The following MYO5B variants were observed in gnomAD, a reference collection of about 807,000 sequenced individuals.
The protein encoded by MYO5B is myosin VB.
A neutral mutation model predicts 229.3 loss-of-function variants in MYO5B; 143 were observed. The observed-to-expected ratio is 0.62, with a 90% CI of 0.54 to 0.72. The LOEUF is 0.72. Ranked by LOEUF, MYO5B falls within the 30% of genes least tolerant of loss-of-function variation. The pLI is 0.00. For synonymous variants in MYO5B, 918 were observed against 885.2 expected, an observed-to-expected ratio of 1.04 and a Z score of -0.66; for missense variants, 2,321 against 2,331.0, an observed-to-expected ratio of 1.00 and a Z score of 0.09.
chr18:49,907,470 G>T (rs1409540075), intron 18 of MYO5B, among the ~76,000 whole-genome samples: 1 of 152,168 alleles, frequency 6.6e-6, no homozygotes, highest in East Asian at 1.9e-4. Flanking sequence ...AACCCAGCAG[G>T]GTTCCTGTGG....
At position 49,826,108 on chromosome 18, in the gene MYO5B, T is replaced by A; in HGVS notation, c.*363A>T. 3.5e-6 allele frequency: 1 copy of A among 283,702 alleles called. No homozygotes were observed. Among genetic ancestry groups the A allele is most frequent in the Non-Finnish European group, 6.8e-6 (1 of 147,390 alleles). 17.6% of individuals were successfully genotyped at this position (283,702 alleles called of 1,614,324 possible). A position where few individuals can be genotyped will look rare whatever the true frequency, so the allele number is the denominator to read the frequency against. ...ATTTATGTGACTTATATATATTTGG[T>A]ATTTTAATTTGGACATTCTCTAGTT... is the stretch of plus-strand genomic sequence containing the variant. On this transcript the variant is annotated 3_prime_UTR_variant, in exon 40 of 40. Transcript: ENST00000285039.
chr18:50,169,704 T>A (rs1185485964), intron 1 of MYO5B, among the ~76,000 whole-genome samples: 1 of 128,072 alleles, frequency 7.8e-6, no homozygotes, highest in Non-Finnish European at 1.7e-5. Context: ...ACTGAGTCAA[T>A]GGACAAAACT....
chr18:50,053,473 T>A (rs1362521204), intron 2 of MYO5B, among the ~76,000 whole-genome samples: 1 of 152,218 alleles, frequency 6.6e-6, no homozygotes, highest in African/African-American at 2.4e-5. Flanking sequence ...TGAAACGAAA[T>A]CTGCTGGAGT....
intron 1 of MYO5B, among the ~76,000 whole-genome samples, chr18:50,073,311 A>G (rs2144452690): frequency 6.6e-6 from 1 of 152,328 alleles, no homozygotes; most frequent in East Asian, 1.9e-4. Context: ...CTGCACCCAG[A>G]TGGAACTGGC....
intron 1 of MYO5B, among the ~76,000 whole-genome samples, chr18:50,080,387 A>T (rs1568098744): frequency 6.6e-6 from 1 of 152,148 alleles, no homozygotes; most frequent in African/African-American, 2.4e-5. Flanking sequence ...CCTGAAAGCA[A>T]ATCTACAGGC....
chr18:50,019,024 A>T (rs2026246306), intron 4 of MYO5B, among the ~76,000 whole-genome samples: 1 of 152,240 alleles, frequency 6.6e-6, no homozygotes, highest in Admixed American at 6.5e-5. Flanking sequence ...TTGAAGGAAG[A>T]ATAATGTGAA....
chr18:49,826,829 A>G (rs1015932633), intron 39 of MYO5B, among the ~76,000 whole-genome samples: 3 of 152,220 alleles, frequency 2.0e-5, no homozygotes, highest in African/African-American at 7.2e-5. Context: ...TGGAGATCAG[A>G]GGGCTGTAAG....
Position 49,953,217 on chromosome 18 carries a change from C to T in MYO5B, c.1752+43G>A, listed in dbSNP as rs761265667. 2.6e-5 allele frequency: 40 copies of T among 1,560,258 alleles called. No individual in the cohort carries two copies. The East Asian group carries it at 6.3e-4, about 24-fold the overall frequency. ...TCACCACTCCCTGTCCAGCACTGGC[C>T]GTGGGCATTCCTGCTCCACTCCCCA... On this transcript the variant is annotated intron_variant, in intron 14 of 39. Coordinates refer to ENST00000285039, the MANE Select transcript of MYO5B (RefSeq NM_001080467.3).
At chr18:50,172,288 C>CAAAAAAAAAAAAAAAAA (rs55973734) in intron 1 of MYO5B, among the ~76,000 whole-genome samples, 1 of 90,522 alleles carries the variant, frequency 1.1e-5, no homozygotes, top group Non-Finnish European at 2.2e-5. Context: ...CAAAAAAAGA[C>CAAAAAAAAAAAAAAAAA]AAAAAAAAAA....
intron 1 of MYO5B, among the ~76,000 whole-genome samples, chr18:50,091,424 T>C (rs2031445821): frequency 6.6e-6 from 1 of 152,230 alleles, no homozygotes; most frequent in African/African-American, 2.4e-5. Context: ...CCTTGCATTC[T>C]TGGAAATTTA....
At chr18:50,160,114 C>T (rs567055267) in intron 1 of MYO5B, among the ~76,000 whole-genome samples, 12 of 152,352 alleles carry the variant, frequency 7.9e-5, no homozygotes, top group South Asian at 2.1e-4. Context: ...CACTTCCCAG[C>T]GGATGATAAA....
chr18:49,862,805 G>A (rs985068419), intron 29 of MYO5B, among the ~76,000 whole-genome samples: 1 of 152,138 alleles, frequency 6.6e-6, no homozygotes, highest in African/African-American at 2.4e-5. Flanking sequence ...AATGACAGAG[G>A]GTGGGCCCCC....
chr18:49,892,126 A>T (rs932465326), intron 22 of MYO5B, among the ~76,000 whole-genome samples: 3 of 152,214 alleles, frequency 2.0e-5, no homozygotes, highest in East Asian at 3.8e-4. Context: ...GCCATGCAAA[A>T]CAGCACAGCT....
chr18:50,044,760 C>G (rs548001434), intron 2 of MYO5B, among the ~76,000 whole-genome samples: 2 of 152,058 alleles, frequency 1.3e-5, no homozygotes, highest in East Asian at 3.9e-4. Flanking sequence ...AGGTAGGTCT[C>G]GATTAACAGA....
At chr18:50,181,532 T>C (rs2033073649) in intron 1 of MYO5B, among the ~76,000 whole-genome samples, 2 of 152,200 alleles carry the variant, frequency 1.3e-5, no homozygotes, top group Admixed American at 1.3e-4. Context: ...AGAAAGCCTA[T>C]CTTCCAGACA....
intron 29 of MYO5B, among the ~76,000 whole-genome samples, chr18:49,862,171 T>C (rs889618328): frequency 5.3e-5 from 8 of 152,086 alleles, no homozygotes; most frequent in Non-Finnish European, 1.0e-4. Context: ...CTAATTTTTG[T>C]ATTTTTAGTA....
intron 3 of MYO5B, among the ~76,000 whole-genome samples, chr18:50,038,227 C>T (rs2029898307): frequency 6.6e-6 from 1 of 152,108 alleles, no homozygotes; most frequent in Admixed American, 6.5e-5. Flanking sequence ...GACTGAGGTA[C>T]AAAAACCAGA....
intron 1 of MYO5B, among the ~76,000 whole-genome samples, chr18:50,188,879 G>A (rs967238732): frequency 6.6e-6 from 1 of 150,480 alleles, no homozygotes; most frequent in African/African-American, 2.4e-5. Context: ...ACAGGTTACA[G>A]GCCATTGGAA....
At chr18:49,993,959 C>T (rs559801760) in intron 5 of MYO5B, among the ~76,000 whole-genome samples, 10 of 152,272 alleles carry the variant, frequency 6.6e-5, no homozygotes, top group African/African-American at 1.4e-4. Flanking sequence ...CCCTTGGTCC[C>T]GGCTTCTAAC....
Sources: gnomAD v4.1 joint callset for allele counts (sites outside exome capture counted in the v4.1 genomes callset) on GRCh38, gnomAD v4.1.1 for gene constraint, MANE v1.5 for transcripts, NCBI Gene and HGNC (gene_info 2026-07-23, HGNC 2026-07-21) for gene names.